The following CEP63 variants were observed in gnomAD, a reference collection of about 807,000 sequenced individuals.
CEP63 encodes the protein centrosomal protein of 63 kDa.
Under a neutral mutation model 89.1 loss-of-function variants are expected in CEP63, and 84 were observed. The observed-to-expected ratio is 0.94, with a 90% CI of 0.79 to 1.13. CEP63 has a LOEUF of 1.13. CEP63 is among the 50% of genes most tolerant of loss of function. The pLI is 0.00. For missense variants in CEP63, 838 were observed against 813.3 expected, an observed-to-expected ratio of 1.03 and a Z score of -0.37; for synonymous variants, 267 against 272.5, an observed-to-expected ratio of 0.98 and a Z score of 0.20.
At chr3:134,606,593 G>A in the CEP63 span, among the ~76,000 whole-genome samples, 10 of 152,152 alleles carry the variant, frequency 6.6e-5, no homozygotes, top group African/African-American at 2.4e-4. Context: ...AATTCATCAT[G>A]TGATCATTTT....
At chr3:134,770,983 T>C in the CEP63 span, among the ~76,000 whole-genome samples, 1 of 152,196 alleles carries the variant, frequency 6.6e-6, no homozygotes, top group Non-Finnish European at 1.5e-5. Context: ...TTAGCAACCG[T>C]CTCCAAATTT....
Position 134,562,325 on chromosome 3 carries a change from A to G in CEP63, c.*790A>G. The G allele has an allele frequency of 7.1e-6, 5 of 702,376 alleles. No homozygotes were observed. The South Asian group carries it at 2.5e-4, about 36-fold the overall frequency. The allele number at this position is 702,376 out of a possible 1,614,324, so 43.5% of individuals were successfully genotyped here. Reference sequence around the variant, plus strand: ...GGAGGCTGTGGAGAGAGAGAGGAGCAGGAGGCTGGGTTTGGGGCCCTGAAA... The same window carrying G: ...GGAGGCTGTGGAGAGAGAGAGGAGCGGGAGGCTGGGTTTGGGGCCCTGAAA... On this transcript the variant is annotated 3_prime_UTR_variant, in exon 15 of 15. Coordinates refer to ENST00000675561, the MANE Select transcript of CEP63 (RefSeq NM_001353108.3).
the CEP63 span, among the ~76,000 whole-genome samples, chr3:134,699,251 C>T: frequency 6.6e-6 from 1 of 152,298 alleles, no homozygotes; most frequent in South Asian, 2.1e-4. Flanking sequence ...AAAGTCCAGT[C>T]CTTAGAAAGC....
intron 1 of CEP63, among the ~76,000 whole-genome samples, chr3:134,492,867 T>A (rs1938223281): frequency 1.3e-5 from 2 of 152,180 alleles, no homozygotes; most frequent in South Asian, 4.1e-4. Flanking sequence ...TAATTTTTAG[T>A]TTATCATAGT....
At chr3:134,521,278 A>G (rs935535647) in intron 3 of CEP63, among the ~76,000 whole-genome samples, 4 of 152,198 alleles carry the variant, frequency 2.6e-5, no homozygotes, top group South Asian at 2.1e-4. Flanking sequence ...CTAAGTTACT[A>G]TAGGGGTATG....
the CEP63 span, chr3:134,619,172 G>T: frequency 6.2e-7 from 1 of 1,613,908 alleles, no homozygotes; most frequent in African/African-American, 1.3e-5. Flanking sequence ...GAAGAGGCCA[G>T]CATAGCCATC....
chr3:134,544,307 G>A (rs1284122283), intron 6 of CEP63, among the ~76,000 whole-genome samples: 1 of 151,736 alleles, frequency 6.6e-6, no homozygotes, highest in Non-Finnish European at 1.5e-5. Flanking sequence ...CAGGATGCTG[G>A]ATTAAAACTT....
At chr3:134,596,952 C>T in the CEP63 span, among the ~76,000 whole-genome samples, 1 of 152,300 alleles carries the variant, frequency 6.6e-6, no homozygotes, top group African/African-American at 2.4e-5. Context: ...GGCAGGGCTT[C>T]CTCAGGCAGG....
the CEP63 span, among the ~76,000 whole-genome samples, chr3:134,684,642 G>T: frequency 6.6e-6 from 1 of 152,242 alleles, no homozygotes; most frequent in South Asian, 2.1e-4. Context: ...AGTCAGGCTT[G>T]GTTTCCCCAT....
chr3:134,744,621 C>T, the CEP63 span, among the ~76,000 whole-genome samples: 2 of 152,130 alleles, frequency 1.3e-5, no homozygotes, highest in Non-Finnish European at 2.9e-5. Context: ...CTCATGTAAT[C>T]CCCCTGCCTC....
the CEP63 span, among the ~76,000 whole-genome samples, chr3:134,619,671 A>G: frequency 6.6e-6 from 1 of 152,212 alleles, no homozygotes; most frequent in Non-Finnish European, 1.5e-5. Flanking sequence ...CCAAGTGGAG[A>G]AGGCTGCTCT....
the CEP63 span, chr3:134,619,852 A>G: frequency 1.3e-5 from 2 of 152,944 alleles, no homozygotes; most frequent in Non-Finnish European, 2.9e-5. Flanking sequence ...TAAATGTCCC[A>G]TTTCTGACCC....
chr3:134,674,838 A>C, the CEP63 span, among the ~76,000 whole-genome samples: 2 of 152,234 alleles, frequency 1.3e-5, no homozygotes, highest in East Asian at 3.8e-4. Flanking sequence ...AAAATGAATA[A>C]AATACTTAAG....
chr3:134,678,180 G>T, the CEP63 span, among the ~76,000 whole-genome samples: 1 of 152,072 alleles, frequency 6.6e-6, no homozygotes, highest in African/African-American at 2.4e-5. Flanking sequence ...GGTAGCCACA[G>T]GGAACATGCT....
the CEP63 span, among the ~76,000 whole-genome samples, chr3:134,632,069 C>CA: frequency 6.6e-6 from 1 of 152,020 alleles, no homozygotes; most frequent in Non-Finnish European, 1.5e-5. Flanking sequence ...GAAGACATAA[C>CA]AACCTTCAAT....
At chr3:134,653,361 T>C in the CEP63 span, among the ~76,000 whole-genome samples, 4 of 152,188 alleles carry the variant, frequency 2.6e-5, no homozygotes, top group Non-Finnish European at 5.9e-5. Flanking sequence ...TGGAGCAAAC[T>C]CCTGAAATTG....
chr3:134,527,020 CCA>C (rs1192746645), intron 3 of CEP63, among the ~76,000 whole-genome samples: 1 of 152,158 alleles, frequency 6.6e-6, no homozygotes, highest in Non-Finnish European at 1.5e-5. Flanking sequence ...AGTCACTACA[CCA>C]CAATGGGTGG....
chr3:134,541,425 A>G (rs1192900339), intron 6 of CEP63, among the ~76,000 whole-genome samples: 2 of 151,924 alleles, frequency 1.3e-5, no homozygotes, highest in East Asian at 1.9e-4. Flanking sequence ...AAATGGTTAT[A>G]TAATTTACTG....
chr3:134,761,681 G>A, the CEP63 span, among the ~76,000 whole-genome samples: 3 of 152,158 alleles, frequency 2.0e-5, no homozygotes, highest in East Asian at 5.8e-4. Flanking sequence ...ACCTAGCCCT[G>A]GTACAGTACT....
Sources: gnomAD v4.1 joint callset for allele counts (sites outside exome capture counted in the v4.1 genomes callset) on GRCh38, gnomAD v4.1.1 for gene constraint, MANE v1.5 for transcripts, NCBI Gene and HGNC (gene_info 2026-07-23, HGNC 2026-07-21) for gene names.